The following HSD17B13 variants were observed in gnomAD, a reference collection of about 807,000 sequenced individuals.
HSD17B13 encodes 17-beta-hydroxysteroid dehydrogenase 13.
HSD17B13 carries 26 observed loss-of-function variants against 31.1 expected under a neutral mutation model. That is an observed-to-expected ratio of 0.84 (90% confidence interval 0.61 to 1.16). The LOEUF (loss-of-function observed/expected upper bound fraction) is 1.16, where lower values mean the gene tolerates loss of function less well. HSD17B13 is among the 50% of genes most tolerant of loss of function. The pLI, the probability that HSD17B13 is intolerant of heterozygous loss-of-function variation, is 0.00. For synonymous variants in HSD17B13, 141 were observed against 133.7 expected, an observed-to-expected ratio of 1.05 and a Z score of -0.38; for missense variants, 374 against 366.5, an observed-to-expected ratio of 1.02 and a Z score of -0.17.
chr4:87,315,378 T>G (rs1231526413), intron 4 of HSD17B13, 115 bp downstream of exon 4: 3 of 480,216 alleles, frequency 6.2e-6, no homozygotes, highest in African/African-American at 5.9e-5. Context: ...GTGAGTTTTG[T>G]CCAATTCTTT....
In HSD17B13 at chr4:87,305,140, G is replaced by T; in HGVS notation, c.*78C>A. 1.1e-6 allele frequency: 1 copy of T among 887,660 alleles called. No individual in the cohort carries two copies. The highest frequency in any genetic ancestry group is 1.7e-6 in the Non-Finnish European group (1 of 604,812). The allele number at this position is 887,660 out of a possible 1,614,324, so 55.0% of individuals were successfully genotyped here. A position where few individuals can be genotyped will look rare whatever the true frequency, so the allele number is the denominator to read the frequency against. On this transcript the variant is annotated 3_prime_UTR_variant, in exon 7 of 7. Coordinates refer to ENST00000328546, the MANE Select transcript of HSD17B13 (RefSeq NM_178135.5). ...AATATTATCAGGACTGAAAAAATGT[G>T]AAATAAAGCTTTGCAGCATTGATTC... is the stretch of plus-strand genomic sequence containing the variant.
Position 87,322,713 on chromosome 4 carries a change from T to C in HSD17B13, c.129A>G (p.Gly43=). The change falls in exon 1 of 7, where the codon GGA becomes GGG. Residue 43 remains glycine, a synonymous_variant. Transcript: ENST00000328546. ...SVAGEIVLIT[G]AGHGIGRQTT... is the part of the protein sequence containing the mutation. ...TCTGCCTGCCTATTCCATGCCCAGCTCCAGTAATGAGAACAATCTCCCCAG... is the reference window on the plus strand; with the variant it reads ...TCTGCCTGCCTATTCCATGCCCAGCCCCAGTAATGAGAACAATCTCCCCAG... 6.2e-7 allele frequency: 1 copy of C among 1,614,160 alleles called. No individual in the cohort carries two copies. Among genetic ancestry groups the C allele is most frequent in the East Asian group, 2.2e-5 (1 of 44,878 alleles).
chr4:87,314,245 C>T lies in HSD17B13; in HGVS notation c.558-285G>A, dbSNP rs146491526. On this transcript the variant is annotated intron_variant, in intron 4 of 6. Coordinates refer to ENST00000328546, the MANE Select transcript of HSD17B13 (RefSeq NM_178135.5). ...TTTCCATCCTACATGTAAGGTTTTT[C>T]CATTGAATCTTCAAACTGTTTTCTA... Among the ~76,000 whole-genome samples, 471 of 151,906 alleles carry T rather than the reference C, an allele frequency of 3.1e-3. 2 individuals are homozygous for T. Among genetic ancestry groups the T allele is most frequent in the African/African-American group, 0.01 (432 of 41,432 alleles).
intron 2 of HSD17B13, among the ~76,000 whole-genome samples, chr4:87,317,568 T>TTTTTTTTC (rs1327773711): frequency 4.5e-5 from 5 of 111,762 alleles, no homozygotes; most frequent in African/African-American, 2.3e-4. Flanking sequence ...TTAAACTTTT[T>TTTTTTTTC]TTTTTTTTTT....
At chr4:87,306,564 A>C (rs765092218) in intron 6 of HSD17B13, among the ~76,000 whole-genome samples, 2 of 152,178 alleles carry the variant, frequency 1.3e-5, no homozygotes, top group Non-Finnish European at 2.9e-5. Context: ...GGAAAGCTTC[A>C]AAAGGACAAC....
At chr4:87,316,858 T>C (rs960249741) in intron 3 of HSD17B13, among the ~76,000 whole-genome samples, 1 of 152,202 alleles carries the variant, frequency 6.6e-6, no homozygotes, top group Non-Finnish European at 1.5e-5. Flanking sequence ...TTGTGTCAGA[T>C]ACTGGTGGAC....
rs771685666 is a variant in HSD17B13, at chr4:87,310,375, G to T, written c.696-16C>A. The T allele has an allele frequency of 1.4e-6, 2 of 1,400,570 alleles. No homozygotes were observed. Among genetic ancestry groups the T allele is most frequent in the Non-Finnish European group, 1.9e-6 (2 of 1,071,280 alleles). The allele number at this position is 1,400,570 out of a possible 1,614,324, so 86.8% of individuals were successfully genotyped here. On this transcript the variant is annotated splice_polypyrimidine_tract_variant and intron_variant, in intron 5 of 6. Transcript: ENST00000328546. Reference sequence around the variant, plus strand: ...AGGCCATAATCTGTGATTAAAAAGAGGAAAATATTATTTTTATTTTCTAAA... The same window carrying T: ...AGGCCATAATCTGTGATTAAAAAGATGAAAATATTATTTTTATTTTCTAAA...
chr4:87,321,911 T>C (rs1481424248), intron 1 of HSD17B13, among the ~76,000 whole-genome samples: 1 of 152,228 alleles, frequency 6.6e-6, no homozygotes, highest in Non-Finnish European at 1.5e-5. Context: ...TGCATATATT[T>C]TCATGGCCTT....
At chr4:87,317,010 A>G (rs1734663611) in intron 3 of HSD17B13, 82 bp downstream of exon 3, 1 of 1,415,426 alleles carries the variant, frequency 7.1e-7, no homozygotes, top group Admixed American at 1.7e-5. Flanking sequence ...TTTCCTGTCC[A>G]GAAGTATGTG....
intron 3 of HSD17B13, among the ~76,000 whole-genome samples, chr4:87,316,287 T>G (rs1259505771): frequency 6.6e-6 from 1 of 152,218 alleles, no homozygotes; most frequent in African/African-American, 2.4e-5. Flanking sequence ...CATACATTGT[T>G]GCTTTAAACC....
At position 87,303,881 on chromosome 4, in the gene HSD17B13, G is replaced by GTTAA. The variant is rs33934116; in HGVS notation, c.*1336_*1337insTTAA. On this transcript the variant is annotated 3_prime_UTR_variant, in exon 7 of 7. Coordinates refer to ENST00000328546, the MANE Select transcript of HSD17B13 (RefSeq NM_178135.5). Reference sequence around the variant, plus strand: ...TATTTATTTTTAGTGAATTGTTTTTGTGACTTTTAAAAAAATCATTTGTTT... The same window carrying GTTAA: ...TATTTATTTTTAGTGAATTGTTTTTGTTAATGACTTTTAAAAAAATCATTTGTTT... The GTTAA allele has an allele frequency of 2.3e-4, 1 of 4,312 alleles. No homozygotes were observed. The allele number at this position is 4,312 out of a possible 1,614,324, so 0.3% of individuals were successfully genotyped here.
At chr4:87,308,598 A>G (rs1002995347) in intron 6 of HSD17B13, among the ~76,000 whole-genome samples, 2 of 146,972 alleles carry the variant, frequency 1.4e-5, no homozygotes, top group Non-Finnish European at 3.0e-5. Context: ...GGAGAATGGC[A>G]TGAACCCAGA....
chr4:87,316,504 A>C (rs544501864), intron 3 of HSD17B13, among the ~76,000 whole-genome samples: 2 of 152,296 alleles, frequency 1.3e-5, no homozygotes, highest in East Asian at 3.9e-4. Context: ...ATTAATCATA[A>C]AAATTTCTAT....
intron 1 of HSD17B13, among the ~76,000 whole-genome samples, chr4:87,321,319 C>A (rs1442641604): frequency 6.6e-6 from 1 of 152,204 alleles, no homozygotes; most frequent in African/African-American, 2.4e-5. Context: ...GTGTGAGCCA[C>A]TGCACCCGCC....
chr4:87,307,490 TCAA>T (rs1410707050), intron 6 of HSD17B13, among the ~76,000 whole-genome samples: 1 of 152,172 alleles, frequency 6.6e-6, no homozygotes, highest in Non-Finnish European at 1.5e-5. Context: ...ACTAATTTAG[TCAA>T]CTTTTATTTT....
At chr4:87,322,219 T>C (rs1048072372) in intron 1 of HSD17B13, among the ~76,000 whole-genome samples, 1 of 152,236 alleles carries the variant, frequency 6.6e-6, no homozygotes, top group African/African-American at 2.4e-5. Flanking sequence ...GTGTTGCTTG[T>C]GCATGAGGGG....
intron 6 of HSD17B13, among the ~76,000 whole-genome samples, chr4:87,305,858 G>A (rs145057823): frequency 9.3e-4 from 141 of 152,330 alleles, no homozygotes; most frequent in African/African-American, 3.1e-3. Context: ...GGGAAAAAGT[G>A]TGTTCTGATT....
intron 1 of HSD17B13, among the ~76,000 whole-genome samples, chr4:87,320,837 C>CT (rs1734769955): frequency 6.6e-6 from 1 of 152,160 alleles, no homozygotes; most frequent in African/African-American, 2.4e-5. Flanking sequence ...AGCCAAACTG[C>CT]TACTGTGTCT....
intron 1 of HSD17B13, among the ~76,000 whole-genome samples, chr4:87,320,488 A>G (rs913126560): frequency 2.6e-4 from 37 of 143,358 alleles, no homozygotes; most frequent in South Asian, 4.3e-4. Context: ...CCGGGTTCAC[A>G]CCATTCTCCT....
Sources: allele counts gnomAD v4.1 joint callset (sites outside exome capture counted in the v4.1 genomes callset), GRCh38; gene constraint gnomAD v4.1.1; transcripts MANE v1.5; gene names NCBI Gene and HGNC (gene_info 2026-07-23, HGNC 2026-07-21).